The following MRTFA variants were observed in gnomAD, a reference collection of about 807,000 sequenced individuals.
MRTFA encodes the protein myocardin-related transcription factor A.
A neutral mutation model predicts 83.5 loss-of-function variants in MRTFA; 20 were observed. That is an observed-to-expected ratio of 0.24 (90% CI 0.17 to 0.35). The LOEUF is 0.35. Among genes scored for constraint, MRTFA ranks in the 10% least tolerant of loss-of-function variants. MRTFA has a pLI of 1.00. For synonymous variants in MRTFA, 659 were observed against 541.2 expected (o/e 1.22, Z -3.02); for missense variants, 1,200 against 1,224.7 (o/e 0.98, Z 0.30).
chr22:40,441,302 TCA>T, intron 4 of MRTFA, among the ~76,000 whole-genome samples: 1 of 152,306 alleles, frequency 6.6e-6, no homozygotes, highest in Non-Finnish European at 1.5e-5. Context: ...CCATTCTTAA[TCA>T]CAGTTTCAGT....
chr22:40,413,760 A>T (rs1461440085), intron 14 of MRTFA, among the ~76,000 whole-genome samples: 1 of 152,186 alleles, frequency 6.6e-6, no homozygotes, highest in Non-Finnish European at 1.5e-5. Flanking sequence ...CACAATTTTT[A>T]AAAAATCAAA....
intron 4 of MRTFA, among the ~76,000 whole-genome samples, chr22:40,451,964 T>G (rs1055102094): frequency 4.1e-5 from 6 of 147,484 alleles, no homozygotes; most frequent in South Asian, 4.3e-4. Flanking sequence ...GGCTGAAGTT[T>G]TTTTTTTTTG....
intron 3 of MRTFA, among the ~76,000 whole-genome samples, chr22:40,502,125 C>A (rs1313706649): frequency 4.2e-5 from 6 of 143,782 alleles, no homozygotes; most frequent in Non-Finnish European, 9.4e-5. Context: ...GCGCCCCTCA[C>A]CTCCCGGACG....
chr22:40,605,161 A>C (rs2056304942), intron 1 of MRTFA, among the ~76,000 whole-genome samples: 1 of 152,230 alleles, frequency 6.6e-6, no homozygotes, highest in Non-Finnish European at 1.5e-5. Flanking sequence ...CTCATTCAAC[A>C]AATATTAGAT....
intron 3 of MRTFA, among the ~76,000 whole-genome samples, chr22:40,512,825 A>T (rs2054689186): frequency 6.6e-6 from 1 of 152,262 alleles, no homozygotes; most frequent in Admixed American, 6.5e-5. Context: ...TGAAAAGCTA[A>T]GAAATTCATA....
chr22:40,463,799 T>G (rs977512679), intron 3 of MRTFA, among the ~76,000 whole-genome samples: 7 of 152,224 alleles, frequency 4.6e-5, no homozygotes, highest in African/African-American at 1.7e-4. Flanking sequence ...CAATGCCTTT[T>G]TCTAGCCTAG....
chr22:40,564,367 T>G (rs977958597), intron 2 of MRTFA, among the ~76,000 whole-genome samples: 1 of 151,944 alleles, frequency 6.6e-6, no homozygotes, highest in Non-Finnish European at 1.5e-5. Context: ...ATTACAAGAA[T>G]AGGAAGAGAA....
intron 4 of MRTFA, among the ~76,000 whole-genome samples, chr22:40,458,607 G>GT (rs1366390946): frequency 6.6e-6 from 1 of 152,092 alleles, no homozygotes; most frequent in Non-Finnish European, 1.5e-5. Flanking sequence ...AGGTAGATGG[G>GT]TTTTTTTCCT....
At chr22:40,413,961 C>G (rs765208915) in intron 14 of MRTFA, among the ~76,000 whole-genome samples, 2 of 152,092 alleles carry the variant, frequency 1.3e-5, no homozygotes, top group Non-Finnish European at 2.9e-5. Context: ...AAACTGGAAC[C>G]CTTGTGCATT....
intron 3 of MRTFA, among the ~76,000 whole-genome samples, chr22:40,482,429 A>G (rs1351481360): frequency 3.3e-5 from 5 of 152,190 alleles, no homozygotes; most frequent in African/African-American, 1.2e-4. Flanking sequence ...GGTGGCAAAC[A>G]GATCTCAAAG....
At chr22:40,508,876 T>G (rs1016997207) in intron 3 of MRTFA, among the ~76,000 whole-genome samples, 6 of 151,242 alleles carry the variant, frequency 4.0e-5, no homozygotes, top group Admixed American at 4.0e-4. Flanking sequence ...ACTTGGTTTC[T>G]AAGATTATCA....
At chr22:40,595,863 CTTTTT>C (rs35215701) in intron 1 of MRTFA, among the ~76,000 whole-genome samples, 4 of 78,104 alleles carry the variant, frequency 5.1e-5, no homozygotes, top group Admixed American at 1.7e-4. Context: ...TATCTAAAGT[CTTTTT>C]TTTTTTTTTT....
intron 5 of MRTFA, among the ~76,000 whole-genome samples, chr22:40,434,811 T>C (rs962152680): frequency 6.6e-6 from 1 of 152,056 alleles, no homozygotes; most frequent in African/African-American, 2.4e-5. Context: ...TGATTTTATG[T>C]GAAAGGAAAA....
chr22:40,627,895 C>T (rs1171351560), intron 1 of MRTFA, among the ~76,000 whole-genome samples: 1 of 152,116 alleles, frequency 6.6e-6, no homozygotes, highest in Non-Finnish European at 1.5e-5. Context: ...TTTGAGGTTA[C>T]AGGAGTTTGA....
chr22:40,492,446 T>C (rs2054287025), intron 3 of MRTFA, among the ~76,000 whole-genome samples: 1 of 152,136 alleles, frequency 6.6e-6, no homozygotes, highest in Non-Finnish European at 1.5e-5. Flanking sequence ...ACTGAGATGA[T>C]TTCAATGTGT....
intron 7 of MRTFA, among the ~76,000 whole-genome samples, chr22:40,428,728 C>T (rs1337761104): frequency 1.3e-5 from 2 of 152,040 alleles, no homozygotes; most frequent in Non-Finnish European, 2.9e-5. Context: ...TTGCATGTTG[C>T]CCAGGCTGGT....
intron 4 of MRTFA, among the ~76,000 whole-genome samples, chr22:40,452,894 A>T (rs893492660): frequency 6.6e-6 from 1 of 152,024 alleles, no homozygotes; most frequent in African/African-American, 2.4e-5. Flanking sequence ...GGACCGAACC[A>T]TGAATACACT....
chr22:40,422,380 G>A (rs1373520874), intron 9 of MRTFA, among the ~76,000 whole-genome samples: 4 of 152,160 alleles, frequency 2.6e-5, no homozygotes, highest in African/African-American at 4.8e-5. Flanking sequence ...TCTTCCAAAC[G>A]TGGTAGGCAA....
intron 1 of MRTFA, among the ~76,000 whole-genome samples, chr22:40,633,744 C>T (rs531635083): frequency 2.0e-5 from 3 of 151,850 alleles, no homozygotes; most frequent in Non-Finnish European, 2.9e-5. Flanking sequence ...TTTATTATAT[C>T]GCCTTAGTGA....
Sources: allele counts gnomAD v4.1 joint callset (sites outside exome capture counted in the v4.1 genomes callset), GRCh38; gene constraint gnomAD v4.1.1; transcripts MANE v1.5; gene names NCBI Gene and HGNC (gene_info 2026-07-23, HGNC 2026-07-21).